HHLA1: variants seen among roughly 807,000 people sequenced by gnomAD.
HHLA1 encodes HHLA1 neighbor of OC90.
Under a neutral mutation model 69.9 loss-of-function variants are expected in HHLA1, and 72 were observed. That is an observed-to-expected ratio of 1.03 (90% CI 0.85 to 1.25). The LOEUF (loss-of-function observed/expected upper bound fraction) is 1.25. HHLA1 is among the 50% of genes most tolerant of loss of function. The probability of loss-of-function intolerance (pLI) is 0.00; values close to 1 mark genes in which losing one functional copy is unlikely to be tolerated. For synonymous variants in HHLA1, 252 were observed against 233.2 expected, an observed-to-expected ratio of 1.08 and a Z score of -0.73; for missense variants, 685 against 642.2, an observed-to-expected ratio of 1.07 and a Z score of -0.72.
intron 10 of HHLA1, among the ~76,000 whole-genome samples, chr8:132,084,166 G>T (rs1408632143): frequency 6.6e-6 from 1 of 152,164 alleles, no homozygotes; most frequent in African/African-American, 2.4e-5. Context: ...GCAGGTGGGG[G>T]AGGGCTAGTC....
In HHLA1 at chr8:132,061,684, C is replaced by G. The variant is rs1823355057; in HGVS notation, c.*2311G>C. On this transcript the variant is annotated 3_prime_UTR_variant, in exon 17 of 17. Coordinates refer to ENST00000414222, the MANE Select transcript of HHLA1 (RefSeq NM_001145095.3). ...TTATTGCCCTAGCTATCCCCTAAAT[C>G]AGGACACATTCAGCTCAGAAGGGGT... The G allele has an allele frequency of 6.6e-6, 1 of 152,130 alleles. No individual in the cohort carries two copies. The highest frequency in any genetic ancestry group is 1.5e-5 in the Non-Finnish European group (1 of 68,022). 9.4% of individuals were successfully genotyped at this position (152,130 alleles called of 1,614,324 possible).
chr8:132,102,934 G>A (rs984936201), intron 3 of HHLA1, among the ~76,000 whole-genome samples: 5 of 151,912 alleles, frequency 3.3e-5, no homozygotes, highest in Admixed American at 3.3e-4. Context: ...TGAACAGGAT[G>A]TAATACAGAG....
At chr8:132,081,064 C>A (rs1016542833) in intron 10 of HHLA1, 2 of 152,090 alleles carry the variant, frequency 1.3e-5, no homozygotes, top group African/African-American at 4.8e-5. Context: ...TCAGCATAGT[C>A]CTGCCAGCAA....
rs1380258001 is a variant in HHLA1 at position 132,079,733 on chromosome 8, T to C, written c.910A>G (p.Thr304Ala). 6.5e-7 allele frequency: 1 copy of C among 1,549,212 alleles called. No homozygotes were observed. Among genetic ancestry groups the C allele is most frequent in the Admixed American group, 2.0e-5 (1 of 50,724 alleles). Residue 304 changes from threonine (T) to alanine (A), a missense_variant, in exon 11 of 17, where the codon ACT becomes GCT. Transcript: ENST00000414222. ...TGCATCTTACCCAAGGCTGGGAGAG[T>C]GTGGGAGGCACTGAACCATGTGGCT... is the stretch of plus-strand genomic sequence containing the variant. ...ATATWFSASH[T>A]LPALATRRVA...
intron 7 of HHLA1, among the ~76,000 whole-genome samples, chr8:132,092,948 G>C (rs778900911): frequency 2.2e-4 from 33 of 152,152 alleles, no homozygotes; most frequent in Admixed American, 2.0e-4. Flanking sequence ...CATTAGAGCA[G>C]CCCTGGCATG....
At chr8:132,070,722 T>TCATCTCAACTCAACA (rs1221678364) in intron 15 of HHLA1, among the ~76,000 whole-genome samples, 1 of 151,716 alleles carries the variant, frequency 6.6e-6, no homozygotes, top group South Asian at 2.1e-4. Flanking sequence ...ACAACTCACC[T>TCATCTCAACTCAACA]CATCTCAACT....
intron 15 of HHLA1, 86 bp downstream of exon 15, chr8:132,071,254 G>T: frequency 8.1e-7 from 1 of 1,241,636 alleles, no homozygotes. Flanking sequence ...CTTATTGCCT[G>T]ACTGCCTTGT....
In HHLA1 at chr8:132,105,172, T is replaced by C. The variant is rs1476821882; in HGVS notation, c.79+15A>G. ...TATACAGAACAGACACTTGCAGAAC[T>C]CCAGCTAGACCCACCTGTGTTCCAA... On this transcript the variant is annotated intron_variant, in intron 2 of 16. Transcript: ENST00000414222. The C allele has an allele frequency of 2.6e-6, 4 of 1,544,612 alleles. No individual in the cohort carries two copies. Among genetic ancestry groups the C allele is most frequent in the Non-Finnish European group, 3.5e-6 (4 of 1,140,502 alleles).
Position 132,111,136 on chromosome 8 carries a change from A to G in HHLA1, c.-56T>C, listed in dbSNP as rs1215188487. 1 of 151,262 alleles carries G rather than the reference A, an allele frequency of 6.6e-6. No individual in the cohort carries two copies. Among genetic ancestry groups the G allele is most frequent in the Non-Finnish European group, 1.5e-5 (1 of 67,990 alleles). 9.4% of individuals were successfully genotyped at this position (151,262 alleles called of 1,614,324 possible). A position where few individuals can be genotyped will look rare whatever the true frequency, so the allele number is the denominator to read the frequency against. ...GAGCAGGATAAATTGACTTCAAAGA[A>G]CTTAAACAGCTAGAAAGATTAACAG... is the stretch of plus-strand genomic sequence containing the variant. On this transcript the variant is annotated 5_prime_UTR_variant, in exon 1 of 17. Transcript: ENST00000414222.
At chr8:132,074,714 A>G (rs907412249) in intron 14 of HHLA1, among the ~76,000 whole-genome samples, 3 of 152,206 alleles carry the variant, frequency 2.0e-5, no homozygotes, top group Admixed American at 1.3e-4. Flanking sequence ...TGGATAGGCA[A>G]ATATCTATGA....
rs1823718282 is a variant in HHLA1, at chr8:132,079,997, C to G, written c.677-31G>C. The G allele has an allele frequency of 3.2e-6, 5 of 1,552,076 alleles. No individual in the cohort carries two copies. In the East Asian group the frequency reaches 1.2e-4, roughly 38 times the overall value. On this transcript the variant is annotated intron_variant, in intron 10 of 16. Transcript: ENST00000414222. ...GGGAGGCAGTCAATGGTAACATTAA[C>G]ATGCTTGACACTTTGGGCATAAAAA... is the stretch of plus-strand genomic sequence containing the variant.
chr8:132,095,862 C>T (rs1824018377), intron 5 of HHLA1, 76 bp from the exon 6 acceptor site: 1 of 817,728 alleles, frequency 1.2e-6, no homozygotes, highest in African/African-American at 1.7e-5. Flanking sequence ...TAAACAGTCC[C>T]TAGAAATTAA....
At chr8:132,102,937 A>T (rs908049180) in intron 3 of HHLA1, among the ~76,000 whole-genome samples, 8 of 152,174 alleles carry the variant, frequency 5.3e-5, no homozygotes, top group Admixed American at 4.6e-4. Context: ...ACAGGATGTA[A>T]TACAGAGCAT....
At chr8:132,096,161 C>T (rs772438507) in intron 5 of HHLA1, among the ~76,000 whole-genome samples, 5 of 152,220 alleles carry the variant, frequency 3.3e-5, no homozygotes, top group South Asian at 2.1e-4. Flanking sequence ...CTCAGTAGGG[C>T]ACCCTCCCTT....
In HHLA1 at chr8:132,062,465, C is replaced by G. The variant is rs770670882; in HGVS notation, c.*1530G>C. 2.0e-5 allele frequency: 3 copies of G among 152,156 alleles called. No homozygotes were observed. The highest frequency in any genetic ancestry group is 7.2e-5 in the African/African-American group (3 of 41,426). 9.4% of individuals were successfully genotyped at this position (152,156 alleles called of 1,614,324 possible). A position where few individuals can be genotyped will look rare whatever the true frequency, so the allele number is the denominator to read the frequency against. On this transcript the variant is annotated 3_prime_UTR_variant, in exon 17 of 17. Coordinates refer to ENST00000414222, the MANE Select transcript of HHLA1 (RefSeq NM_001145095.3). Reference sequence around the variant, plus strand: ...TACTTAGATGATGAACAGAAAGTGACTTTCCTCACCCAAGGGCAGCCCTAG... The same window carrying G: ...TACTTAGATGATGAACAGAAAGTGAGTTTCCTCACCCAAGGGCAGCCCTAG...
Position 132,065,836 on chromosome 8 carries a change from G to A in HHLA1, c.1552+50C>T, listed in dbSNP as rs78238400. 2.4e-3 allele frequency: 2,063 copies of A among 862,250 alleles called. 31 individuals carry two copies. The African/African-American group carries it at 0.032, about 13-fold the overall frequency. 53.4% of individuals were successfully genotyped at this position (862,250 alleles called of 1,614,324 possible). ...TCACTCAGATTTACAGGACCCTTTT[G>A]TGTAATGCATTCACTGCAAAGTTAC... On this transcript the variant is annotated intron_variant, in intron 16 of 16. Coordinates refer to ENST00000414222, the MANE Select transcript of HHLA1 (RefSeq NM_001145095.3).
Position 132,095,589 on chromosome 8 carries a change from CTTCAGGTTAG to C in HHLA1, c.368_377del (p.Ser123Ter). On this transcript the variant is annotated frameshift_variant, in exon 7 of 17. Transcript: ENST00000414222. LOFTEE classifies it high-confidence loss of function. ...TGGGGAATTTGGCGGGGTCTACTGT[CTTCAGGTTAG>C]AAACTGTGAAGAGAAAGGATTCAAC... 3 of 1,548,156 alleles carry C rather than the reference CTTCAGGTTAG, an allele frequency of 1.9e-6. No individual in the cohort carries two copies. Among genetic ancestry groups the C allele is most frequent in the Non-Finnish European group, 2.6e-6 (3 of 1,143,690 alleles).
chr8:132,064,764 G>A (rs540615115), intron 16 of HHLA1, among the ~76,000 whole-genome samples: 3 of 152,310 alleles, frequency 2.0e-5, no homozygotes, highest in Admixed American at 6.5e-5. Context: ...GAAATATAAA[G>A]AGAAGTTTTA....
intron 10 of HHLA1, chr8:132,080,363 C>A (rs1185369616): frequency 2.9e-6 from 1 of 344,158 alleles, no homozygotes; most frequent in African/African-American, 2.2e-5. Context: ...AAGGGTGGGG[C>A]CGTTTTATAG....
Sources: allele counts gnomAD v4.1 joint callset (sites outside exome capture counted in the v4.1 genomes callset), GRCh38; gene constraint gnomAD v4.1.1; transcripts MANE v1.5; gene names NCBI Gene and HGNC (gene_info 2026-07-23, HGNC 2026-07-21).